The following ADAM7 variants were observed in gnomAD, a reference collection of about 807,000 sequenced individuals.
ADAM7 encodes ADAM metallopeptidase domain 7.
Under a neutral mutation model 102.9 loss-of-function variants are expected in ADAM7, and 97 were observed. The ratio of observed to expected loss-of-function variants is 0.94; its 90% CI spans 0.80 to 1.12. The LOEUF (loss-of-function observed/expected upper bound fraction) is 1.12, where lower values mean the gene tolerates loss of function less well. Among genes scored for constraint, ADAM7 ranks in the 50% most tolerant of loss-of-function variants. The probability of loss-of-function intolerance (pLI) is 0.00; values close to 1 mark genes in which losing one functional copy is unlikely to be tolerated. For synonymous variants in ADAM7, 334 were observed against 304.4 expected, an observed-to-expected ratio of 1.10 and a Z score of -1.01; for missense variants, 991 against 908.7, an observed-to-expected ratio of 1.09 and a Z score of -1.16.
At chr8:24,472,502 T>C (rs1313923677) in intron 7 of ADAM7, among the ~76,000 whole-genome samples, 1 of 151,982 alleles carries the variant, frequency 6.6e-6, no homozygotes, top group Admixed American at 6.6e-5. Flanking sequence ...ACAATATATT[T>C]CCAAATATTA....
chr8:24,455,580 A>G (rs1819001282), intron 3 of ADAM7, among the ~76,000 whole-genome samples: 1 of 152,094 alleles, frequency 6.6e-6, no homozygotes, highest in Admixed American at 6.5e-5. Flanking sequence ...AGCTAATTGT[A>G]TTGTTTGCAG....
At position 24,493,196 on chromosome 8, in the gene ADAM7, G is replaced by C; in HGVS notation, c.1809G>C (p.Leu603=). ...ACCATGATTCTACAGACATTGGCCT[G>C]GTGGCGTCAGGAACAAAATGTGGAG... is the stretch of plus-strand genomic sequence containing the variant. ...FLYHDSTDIG[L]VASGTKCGEG... The change falls in exon 16 of 22, where the codon CTG becomes CTC. Residue 603 remains leucine (L), a synonymous_variant. Transcript: ENST00000175238. 1.2e-6 allele frequency: 2 copies of C among 1,608,456 alleles called. No homozygotes were observed. Among genetic ancestry groups the C allele is most frequent in the African/African-American group, 1.3e-5 (1 of 74,678 alleles).
intron 3 of ADAM7, among the ~76,000 whole-genome samples, chr8:24,450,319 A>C (rs1418243502): frequency 6.6e-6 from 1 of 152,026 alleles, no homozygotes; most frequent in African/African-American, 2.4e-5. Flanking sequence ...ATCCTCTTTT[A>C]TTTCACTGAG....
At chr8:24,477,899 A>G (rs1819820992) in intron 8 of ADAM7, among the ~76,000 whole-genome samples, 1 of 152,122 alleles carries the variant, frequency 6.6e-6, no homozygotes, top group Non-Finnish European at 1.5e-5. Context: ...GTACTCATCA[A>G]TGGTATTCTT....
chr8:24,468,735 A>G (rs1819511466), intron 6 of ADAM7, 32 bp from the exon 7 acceptor site: 9 of 1,597,876 alleles, frequency 5.6e-6, no homozygotes, highest in Non-Finnish European at 7.7e-6. Context: ...AGTGTTAACT[A>G]TACTTCAACT....
chr8:24,500,350 G>A (rs1230694193), intron 18 of ADAM7, 94 bp downstream of exon 18: 1 of 1,142,266 alleles, frequency 8.8e-7, no homozygotes, highest in Non-Finnish European at 1.3e-6. Flanking sequence ...TATTTGCTGT[G>A]TTTTGATATG....
At chr8:24,449,971 C>G (rs1479180912) in intron 3 of ADAM7, among the ~76,000 whole-genome samples, 4 of 152,000 alleles carry the variant, frequency 2.6e-5, no homozygotes, top group South Asian at 2.1e-4. Flanking sequence ...GATATGTGGC[C>G]TTATTTCTGA....
rs1820180751 is a variant in ADAM7, at chr8:24,487,450, C to T, written c.1091+133C>T. 10 of 1,106,362 alleles carry T rather than the reference C, an allele frequency of 9.0e-6. No individual in the cohort carries two copies. The Admixed American group carries it at 1.3e-4, about 14-fold the overall frequency. 68.5% of individuals were successfully genotyped at this position (1,106,362 alleles called of 1,614,324 possible). ...TCACCTGAGGTCAGGAGTTCGAGAC[C>T]AGCCTGGCCAACATGGAGAAACCCC... On this transcript the variant is annotated intron_variant, in intron 11 of 21. Transcript: ENST00000175238.
At position 24,494,839 on chromosome 8, in the gene ADAM7, C is replaced by T. The variant is rs146236034; in HGVS notation, c.1842+1610C>T. 1.8e-3 allele frequency among the ~76,000 whole-genome samples: 272 copies of T among 152,268 alleles called. 2 individuals carry two copies. The Middle Eastern group carries it at 0.02, about 11-fold the overall frequency. ...AAGGACAAGAAAAGGAGTAGGCTAA[C>T]GAGATGGAAAACATTTTGGTAATAA... On this transcript the variant is annotated intron_variant, in intron 16 of 21. Transcript: ENST00000175238.
At position 24,489,187 on chromosome 8, in the gene ADAM7, A is replaced by G. The variant is rs1820250978; in HGVS notation, c.1120A>G (p.Ser374Gly). The G allele has an allele frequency of 1.9e-6, 3 of 1,611,654 alleles. No individual in the cohort carries two copies. In the South Asian group the frequency reaches 3.3e-5, roughly 18 times the overall value. ...SIPALKFSKCSQNQYHQYLKD... is the reference protein window; with the variant it reads ...SIPALKFSKCGQNQYHQYLKD... ...TCCTGCACTGAAATTCAGTAAATGC[A>G]GCCAAAACCAATACCACCAGTACTT... Residue 374 changes from serine (S) to glycine (G), a missense_variant, in exon 12 of 22, where the codon AGC becomes GGC. Ser to Gly is a moderately conservative substitution (Grantham distance 56, BLOSUM62 0). Coordinates refer to ENST00000175238, the MANE Select transcript of ADAM7 (RefSeq NM_003817.4).
chr8:24,492,497 G>A lies in ADAM7; in HGVS notation c.1555G>A (p.Ala519Thr). 6.2e-7 allele frequency: 1 copy of A among 1,601,428 alleles called. No homozygotes were observed. The highest frequency in any genetic ancestry group is 1.4e-5 in the African/African-American group (1 of 74,022). Residue 519 changes from alanine to threonine, a missense_variant and splice_region_variant, in exon 15 of 22, where the codon GCA (alanine) becomes ACA (threonine). Coordinates refer to ENST00000175238, the MANE Select transcript of ADAM7 (RefSeq NM_003817.4). ...TTTTATACCATTTTTTACCCCAGAG[G>A]CAATAGAGAGTCATGATATCTGCTA... ...DQCSELFDDE[A>T]IESHDICYKM...
intron 3 of ADAM7, among the ~76,000 whole-genome samples, chr8:24,459,864 T>A (rs1011173090): frequency 6.6e-6 from 1 of 152,182 alleles, no homozygotes; most frequent in African/African-American, 2.4e-5. Context: ...ATTGAGTGTT[T>A]ATTTTTCTCT....
intron 8 of ADAM7, among the ~76,000 whole-genome samples, chr8:24,478,173 A>T (rs536340217): frequency 2.0e-5 from 3 of 152,124 alleles, no homozygotes; most frequent in Non-Finnish European, 2.9e-5. Flanking sequence ...AGGCCTGGGG[A>T]TCTCAGCTTG....
At chr8:24,461,107 C>G (rs1197581091) in intron 3 of ADAM7, among the ~76,000 whole-genome samples, 1 of 152,100 alleles carries the variant, frequency 6.6e-6, no homozygotes, top group Non-Finnish European at 1.5e-5. Flanking sequence ...ATTCTCCTGC[C>G]TCAGTCTCCT....
intron 3 of ADAM7, among the ~76,000 whole-genome samples, 188 bp from the exon 4 acceptor site, chr8:24,463,694 T>C (rs936070241): frequency 7.2e-5 from 11 of 152,218 alleles, no homozygotes; most frequent in Admixed American, 2.6e-4. Flanking sequence ...ACAGTCTTTA[T>C]GAACCATGAT....
At chr8:24,462,994 G>A (rs1037590115) in intron 3 of ADAM7, among the ~76,000 whole-genome samples, 14 of 152,036 alleles carry the variant, frequency 9.2e-5, no homozygotes, top group African/African-American at 2.7e-4. Context: ...AGCAGCAACA[G>A]TAACAAAAAA....
At chr8:24,484,392 T>C (rs977969202) in intron 9 of ADAM7, among the ~76,000 whole-genome samples, 16 of 152,206 alleles carry the variant, frequency 1.1e-4, no homozygotes, top group African/African-American at 3.9e-4. Context: ...CAACTCTAAA[T>C]AATATTCCTG....
chr8:24,453,359 C>CT (rs1187742414), intron 3 of ADAM7, among the ~76,000 whole-genome samples: 10 of 152,040 alleles, frequency 6.6e-5, no homozygotes, highest in Non-Finnish European at 1.2e-4. Context: ...TCTTTTTATT[C>CT]TTTTTTCTCT....
chr8:24,468,520 TA>T (rs1265800043), intron 6 of ADAM7, among the ~76,000 whole-genome samples: 1 of 150,272 alleles, frequency 6.7e-6, no homozygotes, highest in African/African-American at 2.4e-5. Context: ...AAATTAAATT[TA>T]AAAAAAAGAA....
Sources: gnomAD v4.1 joint callset for allele counts (sites outside exome capture counted in the v4.1 genomes callset) on GRCh38, gnomAD v4.1.1 for gene constraint, MANE v1.5 for transcripts, NCBI Gene and HGNC (gene_info 2026-07-23, HGNC 2026-07-21) for gene names.